ESR1: variants seen among roughly 807,000 people sequenced by gnomAD.
ESR1 encodes the protein estrogen receptor.
Under a neutral mutation model 52.7 loss-of-function variants are expected in ESR1, and 12 were observed. That is an observed-to-expected ratio of 0.23 (90% CI 0.15 to 0.37). ESR1 has a LOEUF of 0.37. ESR1 is among the 10% of genes least tolerant of loss of function. ESR1 has a pLI of 1.00. For synonymous variants in ESR1, 305 were observed against 316.8 expected (o/e 0.96, Z 0.39); for missense variants, 584 against 779.7 (o/e 0.75, Z 2.99).
At chr6:151,749,145 A>T (rs902402529) in intron 2 of ESR1, among the ~76,000 whole-genome samples, 8 of 151,388 alleles carry the variant, frequency 5.3e-5, no homozygotes, top group African/African-American at 1.9e-4. Flanking sequence ...AGCTACTGTG[A>T]AAAAAAAGGA....
At chr6:151,939,085 G>A (rs922460469) in intron 3 of ESR1, among the ~76,000 whole-genome samples, 13 of 152,176 alleles carry the variant, frequency 8.5e-5, no homozygotes, top group African/African-American at 3.1e-4. Context: ...TCTCTATTGT[G>A]CTGTTGAATA....
rs77660210 is a variant in ESR1, at chr6:151,990,656, G to A, written c.1097-21000G>A. ...GCTGAGAAATGCAGCCTCTGGATAA[G>A]AAGCCTACTCCCAGTGGTTACTGTA... On this transcript the variant is annotated intron_variant, in intron 4 of 7. Transcript: ENST00000206249. 9.8e-3 allele frequency among the ~76,000 whole-genome samples: 1,485 copies of A among 152,302 alleles called. 33 individuals carry two copies. The highest frequency in any genetic ancestry group is 0.034 in the African/African-American group (1,425 of 41,560).
At chr6:151,915,921 A>G (rs2030024017) in intron 3 of ESR1, among the ~76,000 whole-genome samples, 1 of 152,128 alleles carries the variant, frequency 6.6e-6, no homozygotes, top group African/African-American at 2.4e-5. Context: ...CCACTGAAGG[A>G]CAAATATTCT....
At chr6:151,962,371 A>G (rs1218320982) in intron 4 of ESR1, among the ~76,000 whole-genome samples, 1 of 151,920 alleles carries the variant, frequency 6.6e-6, no homozygotes, top group African/African-American at 2.4e-5. Flanking sequence ...CCCTGAGAGG[A>G]CCACGGGAGC....
intron 5 of ESR1, among the ~76,000 whole-genome samples, chr6:152,045,618 C>T (rs2046169172): frequency 6.6e-6 from 1 of 151,994 alleles, no homozygotes; most frequent in Non-Finnish European, 1.5e-5. Flanking sequence ...GTACCTTTCT[C>T]GTGGAGTTGT....
chr6:151,677,740 C>CT (rs903663106), intron 1 of ESR1, among the ~76,000 whole-genome samples: 4 of 152,186 alleles, frequency 2.6e-5, no homozygotes, highest in African/African-American at 9.7e-5. Context: ...ATGAACACGG[C>CT]TTTTTTTCCT....
chr6:151,849,978 TTATATATATA>T (rs66502837), intron 2 of ESR1, among the ~76,000 whole-genome samples: 30,792 of 83,864 alleles, frequency 0.37, 5,513 homozygotes, highest in Middle Eastern at 0.44. Context: ...TCCTAGGGAA[TTATATATATA>T]TATATATATA....
chr6:151,898,169 C>T (rs1795843663), intron 3 of ESR1, among the ~76,000 whole-genome samples: 1 of 152,042 alleles, frequency 6.6e-6, no homozygotes. Context: ...GACAATGTGC[C>T]TAGGCAATGA....
chr6:151,673,108 G>A (rs1387184838), intron 1 of ESR1, among the ~76,000 whole-genome samples: 2 of 152,118 alleles, frequency 1.3e-5, no homozygotes, highest in South Asian at 2.1e-4. Context: ...TTACAGGCAT[G>A]AGCCACGGCG....
chr6:152,048,707 C>T (rs936772134), intron 5 of ESR1, among the ~76,000 whole-genome samples: 7 of 152,052 alleles, frequency 4.6e-5, no homozygotes, highest in African/African-American at 1.7e-4. Context: ...TCCCTCGTGC[C>T]TAACATAAAG....
chr6:152,057,864 G>T (rs763285131), intron 5 of ESR1, among the ~76,000 whole-genome samples: 2 of 152,166 alleles, frequency 1.3e-5, no homozygotes, highest in Non-Finnish European at 2.9e-5. Flanking sequence ...GGATACCAGT[G>T]AGAAGAGGCT....
chr6:151,926,803 T>C (rs574834246), intron 3 of ESR1, among the ~76,000 whole-genome samples: 54 of 152,286 alleles, frequency 3.5e-4, no homozygotes, highest in African/African-American at 1.2e-3. Flanking sequence ...TGAATAAAGA[T>C]GTTTTATTTC....
At chr6:151,869,707 A>C (rs1428018852) in intron 2 of ESR1, among the ~76,000 whole-genome samples, 1 of 152,210 alleles carries the variant, frequency 6.6e-6, no homozygotes, top group African/African-American at 2.4e-5. Context: ...TGTGTTATTT[A>C]GAAAAAGAAA....
intron 2 of ESR1, among the ~76,000 whole-genome samples, chr6:151,721,473 TG>T (rs1781459235): frequency 6.6e-6 from 1 of 152,184 alleles, no homozygotes; most frequent in Admixed American, 6.5e-5. Flanking sequence ...GCGAGATTCC[TG>T]GGGAGATAGA....
At chr6:151,846,230 T>C (rs1373899758) in intron 2 of ESR1, among the ~76,000 whole-genome samples, 1 of 152,236 alleles carries the variant, frequency 6.6e-6, no homozygotes, top group East Asian at 1.9e-4. Context: ...AAAATTAATG[T>C]ACTGTTAAAC....
At chr6:151,843,886 T>C (rs768552899) in intron 2 of ESR1, among the ~76,000 whole-genome samples, 90 of 151,782 alleles carry the variant, frequency 5.9e-4, no homozygotes, top group Non-Finnish European at 1.0e-4. Flanking sequence ...ATAGTATTTA[T>C]TTTTCCTTCC....
chr6:152,100,360 G>A lies in ESR1; in HGVS notation c.*1394G>A. 8.6e-6 allele frequency: 3 copies of A among 349,094 alleles called. No individual in the cohort carries two copies. Among genetic ancestry groups the A allele is most frequent in the East Asian group, 8.2e-5 (2 of 24,482 alleles). The allele number at this position is 349,094 out of a possible 1,614,324, so 21.6% of individuals were successfully genotyped here. A position where few individuals can be genotyped will look rare whatever the true frequency, so the allele number is the denominator to read the frequency against. On this transcript the variant is annotated 3_prime_UTR_variant, in exon 8 of 8. Coordinates refer to ENST00000206249, the MANE Select transcript of ESR1 (RefSeq NM_000125.4). ...GATTACGTATGCCCTTGGTGGTTTA[G>A]AGATAATCCAAAATCAGGGTTTGGT...
chr6:151,850,177 T>C (rs575686262), intron 2 of ESR1, among the ~76,000 whole-genome samples: 1 of 25,734 alleles, frequency 3.9e-5, no homozygotes, highest in Admixed American at 3.7e-4. Flanking sequence ...GAAGTCCTAA[T>C]GCTCAGTGCC....
At chr6:151,938,712 C>G (rs2034669765) in intron 3 of ESR1, among the ~76,000 whole-genome samples, 2 of 152,112 alleles carry the variant, frequency 1.3e-5, no homozygotes, top group South Asian at 4.1e-4. Flanking sequence ...GTTAACACCT[C>G]CTAGGGTGGA....
Sources: gnomAD v4.1 joint callset for allele counts (sites outside exome capture counted in the v4.1 genomes callset) on GRCh38, gnomAD v4.1.1 for gene constraint, MANE v1.5 for transcripts, NCBI Gene and HGNC (gene_info 2026-07-23, HGNC 2026-07-21) for gene names.